SCD5: variants seen among roughly 807,000 people sequenced by gnomAD.
The protein encoded by SCD5 is stearoyl-CoA desaturase 5, also known as acyl-CoA-desaturase 4.
In SCD5, 20 loss-of-function variants were observed where a neutral mutation model predicts 30.4. That is an observed-to-expected ratio of 0.66 (90% CI 0.46 to 0.96). The LOEUF is 0.96. SCD5 is among the 40% of genes least tolerant of loss of function. SCD5 has a pLI of 0.00. For missense variants in SCD5, 381 were observed against 443.3 expected (o/e 0.86, Z 1.26); for synonymous variants, 173 against 176.4 (o/e 0.98, Z 0.16).
chr4:82,679,238 A>AGAG lies in SCD5; in HGVS notation c.569+1468_569+1469insCTC, dbSNP rs1380307346. Among the ~76,000 whole-genome samples the AGAG allele has an allele frequency of 4.8e-4, 43 of 89,016 alleles. 1 individual carries two copies. Among genetic ancestry groups the AGAG allele is most frequent in the African/African-American group, 1.2e-3 (27 of 22,090 alleles). 58.4% of individuals were successfully genotyped at this position (89,016 alleles called of 152,430 possible). ...AAGAAAGAAAAGAAAGAAAGAAAGA[A>AGAG]AGAAAGAAAGAAAGAAAGAAAGAAG... On this transcript the variant is annotated intron_variant, in intron 3 of 4. Coordinates refer to ENST00000319540, the MANE Select transcript of SCD5 (RefSeq NM_001037582.3).
Position 82,669,170 on chromosome 4 carries a change from T to C in SCD5, c.569+11537A>G, listed in dbSNP as rs72913128. On this transcript the variant is annotated intron_variant, in intron 3 of 4. Transcript: ENST00000319540. ...CCCACTCCATTGAGAATCCCTAAAG[T>C]AGAAGATGAAGGTGGGGTAGAGAAG... is the stretch of plus-strand genomic sequence containing the variant. 5.6e-3 allele frequency among the ~76,000 whole-genome samples: 854 copies of C among 152,116 alleles called. 10 individuals are homozygous for C. Among genetic ancestry groups the C allele is most frequent in the African/African-American group, 0.02 (824 of 41,478 alleles).
At chr4:82,686,841 T>G (rs1213903630) in intron 2 of SCD5, among the ~76,000 whole-genome samples, 1 of 152,140 alleles carries the variant, frequency 6.6e-6, no homozygotes, top group Non-Finnish European at 1.5e-5. Context: ...ATTGTAGTAT[T>G]GACCTAGAAA....
At chr4:82,688,243 A>G (rs1484396424) in intron 2 of SCD5, among the ~76,000 whole-genome samples, 1 of 152,192 alleles carries the variant, frequency 6.6e-6, no homozygotes, top group Non-Finnish European at 1.5e-5. Context: ...CAGCTTGAAC[A>G]GGCAGGTTTT....
At chr4:82,789,836 C>T (rs116698081) in intron 1 of SCD5, among the ~76,000 whole-genome samples, 2,476 of 152,276 alleles carry the variant, frequency 0.016, 35 homozygotes, top group Non-Finnish European at 0.023. Flanking sequence ...CCTCTCCACA[C>T]ATGTACCTTT....
intron 1 of SCD5, among the ~76,000 whole-genome samples, chr4:82,751,892 T>C (rs1048312980): frequency 6.6e-5 from 10 of 152,238 alleles, no homozygotes; most frequent in Non-Finnish European, 1.5e-4. Context: ...CCCAAAGTGC[T>C]GGGATTACAG....
chr4:82,660,650 G>A, intron 3 of SCD5: 2 of 1,389,098 alleles, frequency 1.4e-6, no homozygotes, highest in Non-Finnish European at 9.3e-7. Flanking sequence ...GAATCTCAGA[G>A]ACAGAATGAC....
intron 1 of SCD5, among the ~76,000 whole-genome samples, chr4:82,726,132 C>A (rs1173191514): frequency 6.6e-6 from 1 of 152,102 alleles, no homozygotes; most frequent in African/African-American, 2.4e-5. Context: ...TAAACAATAA[C>A]CTTGGGTCAG....
chr4:82,645,694 T>A (rs73829943), intron 3 of SCD5, among the ~76,000 whole-genome samples: 1,730 of 152,340 alleles, frequency 0.011, 36 homozygotes, highest in African/African-American at 0.04. Flanking sequence ...CCAATCCAAG[T>A]AAGCCTTGGT....
chr4:82,757,528 G>C (rs150487481), intron 1 of SCD5, among the ~76,000 whole-genome samples: 4 of 152,300 alleles, frequency 2.6e-5, no homozygotes, highest in South Asian at 2.1e-4. Flanking sequence ...ATCCAGAGAC[G>C]GGAATTATAC....
intron 1 of SCD5, among the ~76,000 whole-genome samples, chr4:82,796,347 G>A (rs1256176716): frequency 6.6e-6 from 1 of 152,092 alleles, no homozygotes; most frequent in Non-Finnish European, 1.5e-5. Context: ...AATGGGGTTT[G>A]GGACATGAGT....
At chr4:82,770,226 T>A (rs1018796870) in intron 1 of SCD5, among the ~76,000 whole-genome samples, 1 of 152,166 alleles carries the variant, frequency 6.6e-6, no homozygotes, top group Non-Finnish European at 1.5e-5. Context: ...GATGTTCCCC[T>A]TCCTGTGTCC....
chr4:82,776,155 A>G (rs541538382), intron 1 of SCD5: 1 of 152,856 alleles, frequency 6.5e-6, no homozygotes, highest in African/African-American at 2.4e-5. Context: ...GAAAACAAAA[A>G]TGGAAATTAT....
chr4:82,672,209 G>A (rs1281934725), intron 3 of SCD5, among the ~76,000 whole-genome samples: 1 of 151,992 alleles, frequency 6.6e-6, no homozygotes, highest in African/African-American at 2.4e-5. Flanking sequence ...AATTAGAGCA[G>A]AGAGAAATGA....
intron 4 of SCD5, among the ~76,000 whole-genome samples, chr4:82,634,045 G>A (rs1727373971): frequency 6.6e-6 from 1 of 152,100 alleles, no homozygotes; most frequent in Non-Finnish European, 1.5e-5. Flanking sequence ...CATAAAAAAT[G>A]TTTTCAAGGT....
intron 3 of SCD5, among the ~76,000 whole-genome samples, chr4:82,659,216 C>T (rs985121830): frequency 6.6e-6 from 1 of 150,830 alleles, no homozygotes; most frequent in Admixed American, 6.6e-5. Context: ...CTATCTGATT[C>T]TTCTCCCTTT....
At chr4:82,653,715 G>GATAGATAGATAGAT (rs1727808712) in intron 3 of SCD5, among the ~76,000 whole-genome samples, 2 of 151,800 alleles carry the variant, frequency 1.3e-5, no homozygotes, top group South Asian at 4.2e-4. Context: ...GATATAGATA[G>GATAGATAGATAGAT]ATAGATAGAT....
chr4:82,708,042 T>C (rs1326951746), intron 1 of SCD5, among the ~76,000 whole-genome samples: 1 of 152,154 alleles, frequency 6.6e-6, no homozygotes, highest in Non-Finnish European at 1.5e-5. Context: ...GAATAGTTTA[T>C]CATCTATAGG....
intron 3 of SCD5, among the ~76,000 whole-genome samples, chr4:82,650,029 G>A (rs914243511): frequency 2.0e-5 from 3 of 152,166 alleles, no homozygotes; most frequent in Non-Finnish European, 4.4e-5. Context: ...TGATGTCCAC[G>A]TGCTGCTTCC....
intron 3 of SCD5, among the ~76,000 whole-genome samples, chr4:82,638,498 AG>A (rs1727478233): frequency 2.0e-5 from 3 of 152,206 alleles, no homozygotes. Flanking sequence ...TTATCTTCTC[AG>A]GGAATAAAAG....
Sources: allele counts gnomAD v4.1 joint callset (sites outside exome capture counted in the v4.1 genomes callset), GRCh38; gene constraint gnomAD v4.1.1; transcripts MANE v1.5; gene names NCBI Gene and HGNC (gene_info 2026-07-23, HGNC 2026-07-21).